The following AFG2A variants were observed in gnomAD, a reference collection of about 807,000 sequenced individuals.
AFG2A encodes the protein AAA ATPase AFG2A, also known as ATPase family gene 2 protein homolog A.
chr4:122,968,522 CT>C, the AFG2A span, among the ~76,000 whole-genome samples: 1 of 152,322 alleles, frequency 6.6e-6, no homozygotes, highest in South Asian at 2.1e-4. Context: ...GTTTTGCCTT[CT>C]CTTCTTTCAC....
chr4:123,183,708 T>G, the AFG2A span, among the ~76,000 whole-genome samples: 4 of 152,188 alleles, frequency 2.6e-5, no homozygotes, highest in African/African-American at 9.7e-5. Flanking sequence ...GTATAAAATT[T>G]TTTTATGTTG....
At chr4:123,049,570 G>A in the AFG2A span, among the ~76,000 whole-genome samples, 1 of 151,858 alleles carries the variant, frequency 6.6e-6, no homozygotes, top group African/African-American at 2.4e-5. Context: ...TTGGTAAGTT[G>A]TGTCCAGGAA....
At chr4:122,945,258 A>T in the AFG2A span, among the ~76,000 whole-genome samples, 61 of 152,362 alleles carry the variant, frequency 4.0e-4, no homozygotes, top group African/African-American at 1.4e-3. Flanking sequence ...CTACAGAGGC[A>T]GGCAGGCTTC....
chr4:123,020,996 A>G, the AFG2A span, among the ~76,000 whole-genome samples: 15 of 152,290 alleles, frequency 9.8e-5, no homozygotes, highest in East Asian at 1.5e-3. Flanking sequence ...CTCATTGTCT[A>G]TCACTGGCCT....
the AFG2A span, among the ~76,000 whole-genome samples, chr4:123,209,641 G>A: frequency 2.0e-5 from 3 of 147,244 alleles, no homozygotes; most frequent in Non-Finnish European, 3.0e-5. Flanking sequence ...AGGCTGGAGT[G>A]CAGTGGTGCA....
At chr4:123,219,021 CAT>C in the AFG2A span, among the ~76,000 whole-genome samples, 1 of 152,158 alleles carries the variant, frequency 6.6e-6, no homozygotes, top group African/African-American at 2.4e-5. Flanking sequence ...AGCACTGGCT[CAT>C]GTGATAACAC....
At chr4:123,060,551 G>A in the AFG2A span, among the ~76,000 whole-genome samples, 1 of 152,146 alleles carries the variant, frequency 6.6e-6, no homozygotes, top group Non-Finnish European at 1.5e-5. Flanking sequence ...GCTGTACCTT[G>A]ACCCCTTTTA....
chr4:122,999,829 C>T, the AFG2A span, among the ~76,000 whole-genome samples: 10 of 151,090 alleles, frequency 6.6e-5, no homozygotes, highest in Admixed American at 1.3e-4. Context: ...AAGTAGTTTT[C>T]TCCAATTCTG....
At chr4:123,028,574 C>G in the AFG2A span, among the ~76,000 whole-genome samples, 1 of 152,008 alleles carries the variant, frequency 6.6e-6, no homozygotes, top group East Asian at 1.9e-4. Context: ...TAAATTCGTG[C>G]ATGTAATCAG....
At chr4:123,126,963 G>A in the AFG2A span, among the ~76,000 whole-genome samples, 1 of 152,124 alleles carries the variant, frequency 6.6e-6, no homozygotes, top group East Asian at 1.9e-4. Context: ...GCCCACACCT[G>A]TAATCCCAAC....
chr4:122,987,934 G>A, the AFG2A span, among the ~76,000 whole-genome samples: 1 of 151,958 alleles, frequency 6.6e-6, no homozygotes, highest in Non-Finnish European at 1.5e-5. Flanking sequence ...ATATTAGTTA[G>A]CATCCTTTCA....
the AFG2A span, among the ~76,000 whole-genome samples, chr4:122,951,458 A>ACG: frequency 2.3e-4 from 35 of 150,964 alleles, no homozygotes; most frequent in Middle Eastern, 0.01. Context: ...ACACACACAC[A>ACG]CGCACGCACA....
At chr4:123,080,616 G>C in the AFG2A span, among the ~76,000 whole-genome samples, 1 of 150,870 alleles carries the variant, frequency 6.6e-6, no homozygotes, top group Non-Finnish European at 1.5e-5. Flanking sequence ...CATTCTCCAG[G>C]TACCATCTTT....
At chr4:122,942,552 C>G in the AFG2A span, among the ~76,000 whole-genome samples, 2,073 of 137,066 alleles carry the variant, frequency 0.015, 49 homozygotes, top group African/African-American at 0.051. Context: ...TGCTAGCGGT[C>G]TATCAATTTT....
the AFG2A span, among the ~76,000 whole-genome samples, chr4:122,986,855 T>G: frequency 6.6e-6 from 1 of 152,224 alleles, no homozygotes; most frequent in Non-Finnish European, 1.5e-5. Context: ...ATAGTGCTCT[T>G]CAAGTCTGCT....
chr4:123,067,112 G>T, the AFG2A span, among the ~76,000 whole-genome samples: 1 of 152,064 alleles, frequency 6.6e-6, no homozygotes, highest in Non-Finnish European at 1.5e-5. Flanking sequence ...TACATTTTAC[G>T]TGTACCATGA....
chr4:123,028,211 T>G, the AFG2A span: 1 of 1,614,150 alleles, frequency 6.2e-7, no homozygotes, highest in South Asian at 1.1e-5. Flanking sequence ...ATAGGAGGAC[T>G]GGAAAGTATC....
At chr4:122,927,720 C>T in the AFG2A span, 5 of 1,613,118 alleles carry the variant, frequency 3.1e-6, no homozygotes, top group African/African-American at 1.3e-5. Flanking sequence ...ATGTATAGGT[C>T]GACCAGTGTT....
chr4:122,961,100 T>C, the AFG2A span, among the ~76,000 whole-genome samples: 5 of 152,218 alleles, frequency 3.3e-5, no homozygotes, highest in Non-Finnish European at 7.3e-5. Context: ...TTTTATATCC[T>C]CACCAGCTAA....
Sources: gnomAD v4.1 joint callset for allele counts (sites outside exome capture counted in the v4.1 genomes callset) on GRCh38, gnomAD v4.1.1 for gene constraint, MANE v1.5 for transcripts, NCBI Gene and HGNC (gene_info 2026-07-23, HGNC 2026-07-21) for gene names.